Variants in CWC27 observed in about 807,000 individuals in gnomAD.
CWC27 encodes spliceosome-associated protein CWC27 homolog.
CWC27 carries 47 observed loss-of-function variants against 63.6 expected under a neutral mutation model. The observed-to-expected ratio is 0.74, with a 90% CI of 0.58 to 0.94. The LOEUF (loss-of-function observed/expected upper bound fraction) is 0.94, where lower values mean the gene tolerates loss of function less well. Ranked by LOEUF, CWC27 falls within the 40% of genes least tolerant of loss-of-function variation. CWC27 has a pLI of 0.00. For missense variants in CWC27, 495 were observed against 554.3 expected (o/e 0.89, Z 1.07); for synonymous variants, 175 against 179.8 (o/e 0.97, Z 0.22).
chr5:64,848,558 T>C (rs889914006), intron 10 of CWC27, among the ~76,000 whole-genome samples: 1 of 152,130 alleles, frequency 6.6e-6, no homozygotes, highest in African/African-American at 2.4e-5. Flanking sequence ...AAGTCAATAT[T>C]CGTGATGAGC....
chr5:64,905,981 A>T (rs1481448214), intron 11 of CWC27, among the ~76,000 whole-genome samples: 2 of 151,654 alleles, frequency 1.3e-5, no homozygotes, highest in African/African-American at 2.4e-5. Context: ...TTCCAGCTTC[A>T]TCCATGTCCC....
intron 13 of CWC27, among the ~76,000 whole-genome samples, chr5:65,002,972 G>A (rs1749758967): frequency 6.6e-6 from 1 of 152,156 alleles, no homozygotes; most frequent in South Asian, 2.1e-4. Context: ...GTGCTCGAAT[G>A]TTGGGTACAA....
intron 11 of CWC27, among the ~76,000 whole-genome samples, chr5:64,903,244 T>C (rs973740602): frequency 2.0e-5 from 3 of 152,190 alleles, no homozygotes. Context: ...ATTGCAGCAC[T>C]ATTTACAATA....
At chr5:64,829,436 A>G (rs562432075) in intron 10 of CWC27, among the ~76,000 whole-genome samples, 1 of 152,246 alleles carries the variant, frequency 6.6e-6, no homozygotes, top group East Asian at 1.9e-4. Context: ...TTAGAACTCT[A>G]CTAGTAAAAA....
intron 11 of CWC27, among the ~76,000 whole-genome samples, chr5:64,937,355 C>T (rs1748377785): frequency 6.6e-6 from 1 of 152,098 alleles, no homozygotes; most frequent in Non-Finnish European, 1.5e-5. Flanking sequence ...TTGTTATTTA[C>T]CCAGTAGTCA....
At chr5:64,971,946 A>T in intron 12 of CWC27, 134 bp downstream of exon 12, 2 of 488,192 alleles carry the variant, frequency 4.1e-6, no homozygotes, top group East Asian at 7.3e-5. Context: ...ATATATTTAT[A>T]TAGGGTGGAC....
chr5:64,926,988 A>G (rs1023641434), intron 11 of CWC27, among the ~76,000 whole-genome samples: 2 of 152,252 alleles, frequency 1.3e-5, no homozygotes, highest in African/African-American at 4.8e-5. Flanking sequence ...ACTAGTTTAA[A>G]ATAATGCATT....
intron 11 of CWC27, among the ~76,000 whole-genome samples, chr5:64,958,925 C>A (rs1748853249): frequency 6.6e-6 from 1 of 151,982 alleles, no homozygotes; most frequent in Non-Finnish European, 1.5e-5. Context: ...TTCAGATAAC[C>A]CCTAAATTAT....
rs1334709592 is a variant in CWC27 at position 64,804,393 on chromosome 5, C to T, written c.938+7C>T. The T allele has an allele frequency of 6.2e-7, 1 of 1,606,370 alleles. No individual in the cohort carries two copies. The highest frequency in any genetic ancestry group is 8.5e-7 in the Non-Finnish European group (1 of 1,176,910). The stretch of plus-strand genomic sequence containing the variant: ...AGAAATCAGTCAGCCGCAGGTGAGT[C>T]AGTTACTGTGCTAGATATCAGAGTT... On this transcript the variant is annotated splice_region_variant and intron_variant, in intron 10 of 13. Transcript: ENST00000381070.
chr5:64,982,091 A>G (rs1331670055), intron 13 of CWC27, among the ~76,000 whole-genome samples: 1 of 152,196 alleles, frequency 6.6e-6, no homozygotes, highest in East Asian at 1.9e-4. Context: ...TGCAGAAGCA[A>G]CAACTACCAG....
intron 11 of CWC27, among the ~76,000 whole-genome samples, chr5:64,914,427 A>G (rs1387612305): frequency 6.6e-6 from 1 of 152,158 alleles, no homozygotes; most frequent in Non-Finnish European, 1.5e-5. Context: ...AAGAGTGATT[A>G]TTAATCATAA....
chr5:64,837,502 T>C (rs1165548755), intron 10 of CWC27, among the ~76,000 whole-genome samples: 1 of 151,958 alleles, frequency 6.6e-6, no homozygotes, highest in Non-Finnish European at 1.5e-5. Flanking sequence ...TCAAAACTCA[T>C]TCTCTTTTTT....
chr5:64,874,518 G>A (rs546018088), intron 10 of CWC27, among the ~76,000 whole-genome samples: 3 of 152,080 alleles, frequency 2.0e-5, no homozygotes, highest in East Asian at 3.9e-4. Context: ...CCAGGATGGA[G>A]TGCAGTGGCA....
intron 10 of CWC27, among the ~76,000 whole-genome samples, chr5:64,852,672 C>T (rs1384006107): frequency 6.6e-6 from 1 of 151,982 alleles, no homozygotes; most frequent in Non-Finnish European, 1.5e-5. Context: ...AGGGTTTCAC[C>T]ATGTTGGTCA....
chr5:64,780,745 C>A (rs574223587), intron 2 of CWC27, among the ~76,000 whole-genome samples: 20 of 151,574 alleles, frequency 1.3e-4, no homozygotes, highest in Non-Finnish European at 2.4e-4. Flanking sequence ...GGATTACATG[C>A]TAATTCTGTG....
At chr5:64,866,856 A>G (rs1316683462) in intron 10 of CWC27, among the ~76,000 whole-genome samples, 1 of 152,212 alleles carries the variant, frequency 6.6e-6, no homozygotes, top group East Asian at 1.9e-4. Context: ...TTTGAGAAGA[A>G]TGTATATTCT....
intron 7 of CWC27, among the ~76,000 whole-genome samples, chr5:64,797,308 A>G (rs1372899290): frequency 1.3e-5 from 2 of 152,152 alleles, no homozygotes; most frequent in Admixed American, 1.3e-4. Context: ...ATTAAGAAAG[A>G]ATAGGCATTA....
chr5:64,980,230 C>T (rs1749309948), intron 13 of CWC27, among the ~76,000 whole-genome samples: 1 of 152,156 alleles, frequency 6.6e-6, no homozygotes, highest in Non-Finnish European at 1.5e-5. Flanking sequence ...AGAGTGGTCT[C>T]TTTGTCACTA....
At chr5:64,842,855 C>T (rs925089879) in intron 10 of CWC27, among the ~76,000 whole-genome samples, 3 of 151,200 alleles carry the variant, frequency 2.0e-5, no homozygotes, top group African/African-American at 7.3e-5. Context: ...CCCACCCTCA[C>T]CCTCTCAAAG....
Sources: gnomAD v4.1 joint callset for allele counts (sites outside exome capture counted in the v4.1 genomes callset) on GRCh38, gnomAD v4.1.1 for gene constraint, MANE v1.5 for transcripts, NCBI Gene and HGNC (gene_info 2026-07-23, HGNC 2026-07-21) for gene names.